Variants in LYSMD4 observed in about 807,000 individuals in gnomAD.
LYSMD4 encodes lysM and putative peptidoglycan-binding domain-containing protein 4.
In LYSMD4, 9 loss-of-function variants were observed where a neutral mutation model predicts 6.1. The observed-to-expected ratio is 1.47, with a 90% CI of 0.88 to 2.56. The LOEUF (loss-of-function observed/expected upper bound fraction) is 2.56, where lower values mean the gene tolerates loss of function less well. Among genes scored for constraint, LYSMD4 ranks in the 30% most tolerant of loss-of-function variants. The probability of loss-of-function intolerance (pLI) is 0.00; values close to 1 mark genes in which losing one functional copy is unlikely to be tolerated. For synonymous variants in LYSMD4, 143 were observed against 148.5 expected (o/e 0.96, Z 0.27); for missense variants, 384 against 373.5 (o/e 1.03, Z -0.23).
chr15:99,731,476 G>T, intron 2 of LYSMD4: 5 of 1,596,964 alleles, frequency 3.1e-6, no homozygotes, highest in Middle Eastern at 3.4e-4. Flanking sequence ...ACAGGAAAAG[G>T]AGAAGTTCCC....
chr15:99,715,909 A>G (rs1302939854), exon 1 of LYSMD4: 1 of 152,516 alleles, frequency 6.6e-6, no homozygotes, highest in African/African-American at 2.4e-5. Context: ...TATAGACTAA[A>G]TCAGGGGTTT....
chr15:99,722,843 G>A (rs540612316), downstream of LYSMD4, among the ~76,000 whole-genome samples: 7 of 152,160 alleles, frequency 4.6e-5, no homozygotes, highest in South Asian at 2.1e-4. Context: ...ACCAGCCTGC[G>A]CAACATGACA....
At chr15:99,723,187 A>G (rs2059250638), downstream of LYSMD4, among the ~76,000 whole-genome samples, 1 of 152,172 alleles carries the variant, frequency 6.6e-6, no homozygotes, top group East Asian at 1.9e-4. Context: ...TTGGAGGGAA[A>G]TAATGAGGAA....
chr15:99,730,178 C>A (rs2141127246), intron 2 of LYSMD4, among the ~76,000 whole-genome samples: 1 of 152,358 alleles, frequency 6.6e-6, no homozygotes, highest in African/African-American at 2.4e-5. Context: ...TGTTAGCATT[C>A]ACCAAACACA....
chr15:99,716,930 A>T (rs1447726689), exon 1 of LYSMD4: 1 of 334,684 alleles, frequency 3.0e-6, no homozygotes, highest in East Asian at 7.6e-5. Flanking sequence ...CCCAAAATAC[A>T]TACATGATGC....
At chr15:99,720,046 G>T (rs8035314), upstream of LYSMD4, among the ~76,000 whole-genome samples, 4,320 of 152,030 alleles carry the variant, frequency 0.028, 233 homozygotes, top group African/African-American at 0.096. Flanking sequence ...ACTTGTAAGG[G>T]TTACTTTTAT....
At chr15:99,727,202 C>A (rs1332040214), downstream of LYSMD4, among the ~76,000 whole-genome samples, 2 of 152,074 alleles carry the variant, frequency 1.3e-5, no homozygotes, top group Non-Finnish European at 2.9e-5. Context: ...TGGCTAAACC[C>A]CATCTCTACT....
rs530183458 is a variant in LYSMD4, at chr15:99,731,259, C to T, written c.282+459G>A. On this transcript the variant is annotated intron_variant, in intron 2 of 2. Transcript: ENST00000684762. ...GATACACAGCATACAAAAGACCATG[C>T]AGTTCTAAACGAGAGAAGGTAAAAC... 7.5e-6 allele frequency: 12 copies of T among 1,602,262 alleles called. No individual in the cohort carries two copies. The African/African-American group carries it at 1.5e-4, about 20-fold the overall frequency.
chr15:99,724,696 G>T (rs557382788), downstream of LYSMD4, among the ~76,000 whole-genome samples: 3 of 152,230 alleles, frequency 2.0e-5, no homozygotes, highest in Non-Finnish European at 4.4e-5. Flanking sequence ...AGTAGCCCAT[G>T]TTCCTTATTC....
In LYSMD4 at chr15:99,733,402, G is replaced by GCC. The variant is rs1555509565; in HGVS notation, c.-67_-66insGG. On this transcript the variant is annotated 5_prime_UTR_variant, in exon 1 of 3. Coordinates refer to ENST00000684762, the MANE Select transcript of LYSMD4 (RefSeq NM_001284417.2). ...CGGCGACTCGCGACCCGCGACCCGC[G>GCC]ACCCGCAGCTGCCACCGCGCCTGCG... 9 of 395,244 alleles carry GCC rather than the reference G, an allele frequency of 2.3e-5. No homozygotes were observed. The highest frequency in any genetic ancestry group is 7.2e-5 in the East Asian group (2 of 27,856). The allele number at this position is 395,244 out of a possible 1,614,324, so 24.5% of individuals were successfully genotyped here. A position where few individuals can be genotyped will look rare whatever the true frequency, so the allele number is the denominator to read the frequency against.
chr15:99,732,071 A>G (rs2059432418), intron 1 of LYSMD4, 64 bp from the exon 2 acceptor site: 1 of 1,462,722 alleles, frequency 6.8e-7, no homozygotes, highest in Non-Finnish European at 9.2e-7. Flanking sequence ...CGCCTCGTTT[A>G]AAGAGAAGTG....
At chr15:99,725,902 C>A (rs139333483), downstream of LYSMD4, among the ~76,000 whole-genome samples, 2 of 152,254 alleles carry the variant, frequency 1.3e-5, no homozygotes, top group African/African-American at 4.8e-5. Flanking sequence ...GCTGTGTGGT[C>A]GTAAGCAGCT....
chr15:99,728,948 A>T lies in LYSMD4; in HGVS notation c.*175T>A. 1 of 860,666 alleles carries T rather than the reference A, an allele frequency of 1.2e-6. No individual in the cohort carries two copies. Among genetic ancestry groups the T allele is most frequent in the Non-Finnish European group, 1.8e-6 (1 of 553,996 alleles). The allele number at this position is 860,666 out of a possible 1,614,324, so 53.3% of individuals were successfully genotyped here. A position where few individuals can be genotyped will look rare whatever the true frequency, so the allele number is the denominator to read the frequency against. Reference sequence around the variant, plus strand: ...CTGCTGTTTTAGATCCTGCCAGCTTAGACTGGGTAAGGCCATGCCCAGGGC... The same window carrying T: ...CTGCTGTTTTAGATCCTGCCAGCTTTGACTGGGTAAGGCCATGCCCAGGGC... On this transcript the variant is annotated 3_prime_UTR_variant, in exon 3 of 3. Coordinates refer to ENST00000684762, the MANE Select transcript of LYSMD4 (RefSeq NM_001284417.2).
At chr15:99,732,100 C>T in intron 1 of LYSMD4, 93 bp from the exon 2 acceptor site, 1 of 1,339,890 alleles carries the variant, frequency 7.5e-7, no homozygotes, top group Non-Finnish European at 1.0e-6. Flanking sequence ...GAGAGTATTC[C>T]TTTTCCTAAT....
chr15:99,724,215 C>T (rs976758904), downstream of LYSMD4, among the ~76,000 whole-genome samples: 2 of 146,750 alleles, frequency 1.4e-5, no homozygotes, highest in Admixed American at 6.7e-5. Context: ...TGTGGGCCAT[C>T]GTGTGTTCTA....
intron 2 of LYSMD4, chr15:99,731,513 C>T: frequency 1.9e-6 from 3 of 1,571,610 alleles, no homozygotes; most frequent in South Asian, 1.2e-5. Context: ...CGCTAACCCT[C>T]CCTCTTTGGG....
chr15:99,729,752 A>T (rs1567554332), intron 2 of LYSMD4, 21 bp from the exon 3 acceptor site: 1 of 1,578,398 alleles, frequency 6.3e-7, no homozygotes, highest in East Asian at 2.2e-5. Context: ...ACGAAGATAA[A>T]CATCATAAAA....
At chr15:99,730,234 G>A (rs1189543449) in intron 2 of LYSMD4, among the ~76,000 whole-genome samples, 1 of 152,222 alleles carries the variant, frequency 6.6e-6, no homozygotes, top group African/African-American at 2.4e-5. Flanking sequence ...CAGTTTACCT[G>A]TAATAAAGTT....
At chr15:99,724,797 T>C (rs1038741212), downstream of LYSMD4, among the ~76,000 whole-genome samples, 2 of 152,196 alleles carry the variant, frequency 1.3e-5, no homozygotes, top group Non-Finnish European at 2.9e-5. Flanking sequence ...CCCTGCCTCC[T>C]CACTGGCACT....
Sources: gnomAD v4.1 joint callset for allele counts (sites outside exome capture counted in the v4.1 genomes callset) on GRCh38, gnomAD v4.1.1 for gene constraint, MANE v1.5 for transcripts, NCBI Gene and HGNC (gene_info 2026-07-23, HGNC 2026-07-21) for gene names.